Variants in CEP44 observed in about 807,000 individuals in gnomAD.
CEP44 encodes the protein centrosomal protein of 44 kDa.
A neutral mutation model predicts 46.7 loss-of-function variants in CEP44; 45 were observed. The observed-to-expected ratio is 0.96, with a 90% CI of 0.76 to 1.24. CEP44 has a LOEUF of 1.24. CEP44 is among the 50% of genes most tolerant of loss of function. The probability of loss-of-function intolerance (pLI) is 0.00; values close to 1 mark genes in which losing one functional copy is unlikely to be tolerated. For missense variants in CEP44, 475 were observed against 459.7 expected (o/e 1.03, Z -0.30); for synonymous variants, 142 against 146.0 (o/e 0.97, Z 0.20).
Position 174,319,539 on chromosome 4 carries a change from T to G in CEP44, c.*2156T>G. On this transcript the variant is annotated 3_prime_UTR_variant, in exon 12 of 12. Transcript: ENST00000503780. ...CTCTTTCTACCCTTTCTTTTTTTCT[T>G]TATATAGTGCAGATATACACACAGA... is the stretch of plus-strand genomic sequence containing the variant. The G allele has an allele frequency of 2.4e-6, 2 of 850,110 alleles. No individual in the cohort carries two copies. The highest frequency in any genetic ancestry group is 2.8e-6 in the Non-Finnish European group (2 of 706,764). 52.7% of individuals were successfully genotyped at this position (850,110 alleles called of 1,614,324 possible). A position where few individuals can be genotyped will look rare whatever the true frequency, so the allele number is the denominator to read the frequency against.
In CEP44 at chr4:174,286,705, C is replaced by G. The variant is rs1293802050; in HGVS notation, c.-148+2762C>G. On this transcript the variant is annotated intron_variant, in intron 1 of 11. Coordinates refer to ENST00000503780, the MANE Select transcript of CEP44 (RefSeq NM_001040157.3). The surrounding 1 kb of genome is among the most constrained non-coding windows in gnomAD (Gnocchi z 5.2). Reference sequence around the variant, plus strand: ...TCTCCTTTGATAATCTAATGAAAGTCCCACTCCATGCAAGAAAATTAGTCA... The same window carrying G: ...TCTCCTTTGATAATCTAATGAAAGTGCCACTCCATGCAAGAAAATTAGTCA... 2.0e-5 allele frequency among the ~76,000 whole-genome samples: 3 copies of G among 152,176 alleles called. No individual in the cohort carries two copies. Among genetic ancestry groups the G allele is most frequent in the African/African-American group, 7.2e-5 (3 of 41,448 alleles).
chr4:174,289,934 G>A (rs1022705302), intron 1 of CEP44, among the ~76,000 whole-genome samples: 4 of 151,696 alleles, frequency 2.6e-5, no homozygotes, highest in African/African-American at 9.7e-5. Flanking sequence ...CGCCTCCCGG[G>A]TTCAAGTGAT....
At position 174,303,699 on chromosome 4, in the gene CEP44, G is replaced by A; in HGVS notation, c.238-4G>A. 2.6e-6 allele frequency: 4 copies of A among 1,515,406 alleles called. No homozygotes were observed. Among genetic ancestry groups the A allele is most frequent in the Non-Finnish European group, 3.6e-6 (4 of 1,109,816 alleles). The allele number at this position is 1,515,406 out of a possible 1,614,324, so 93.9% of individuals were successfully genotyped here. A position where few individuals can be genotyped will look rare whatever the true frequency, so the allele number is the denominator to read the frequency against. On this transcript the variant is annotated splice_region_variant and splice_polypyrimidine_tract_variant and intron_variant, in intron 4 of 11. Transcript: ENST00000503780. Reference sequence around the variant, plus strand: ...ATTATTACAAGAGTCTGTTTCCTCTGCAGCTTCTTCGTGATCAATTTAATT... The same window carrying A: ...ATTATTACAAGAGTCTGTTTCCTCTACAGCTTCTTCGTGATCAATTTAATT...
chr4:174,290,926 C>T lies in CEP44; in HGVS notation c.-148+6983C>T, dbSNP rs1015120113. On this transcript the variant is annotated intron_variant, in intron 1 of 11. Coordinates refer to ENST00000503780, the MANE Select transcript of CEP44 (RefSeq NM_001040157.3). This position sits in a 1 kb window ranked among gnomAD's most constrained non-coding sequence, Gnocchi z 4.3. ...CTTCTTTGTCTCTTTTGACAGTTGT[C>T]GACTTAAAGTCTATTTTGTCTGATA... is the stretch of plus-strand genomic sequence containing the variant. 3.3e-5 allele frequency among the ~76,000 whole-genome samples: 5 copies of T among 152,186 alleles called. No individual in the cohort carries two copies. Among genetic ancestry groups the T allele is most frequent in the African/African-American group, 7.2e-5 (3 of 41,534 alleles).
At chr4:174,285,899 CCCCAGTCAGTCTAAAGGATATTAAA>C (rs1230810993) in intron 1 of CEP44, among the ~76,000 whole-genome samples, 3 of 152,140 alleles carry the variant, frequency 2.0e-5, no homozygotes, top group Non-Finnish European at 4.4e-5. Flanking sequence ...GTCCATCTAC[CCCCAGTCAGTCTAAAGGATATTAAA>C]TAGGGTTTAC....
At chr4:174,315,815 TG>T (rs1274250601) in intron 9 of CEP44, among the ~76,000 whole-genome samples, 2 of 134,276 alleles carry the variant, frequency 1.5e-5, no homozygotes, top group East Asian at 4.2e-4. Context: ...CACTCCTGCC[TG>T]GGCGACAGAG....
At chr4:174,292,351 T>G (rs949820127) in intron 1 of CEP44, among the ~76,000 whole-genome samples, 1 of 152,184 alleles carries the variant, frequency 6.6e-6, no homozygotes, top group Non-Finnish European at 1.5e-5. Flanking sequence ...CCTCTTTGGC[T>G]TCAACCTATT....
At position 174,311,128 on chromosome 4, in the gene CEP44, A is replaced by G. The variant is rs764510034; in HGVS notation, c.961+270A>G. Among the ~76,000 whole-genome samples the G allele has an allele frequency of 7.9e-5, 12 of 152,150 alleles. No homozygotes were observed. Among genetic ancestry groups the G allele is most frequent in the Admixed American group, 3.3e-4 (5 of 15,278 alleles). ...TGTTTTAATCATTCGAGAATAATCA[A>G]GTGCTCTAGGATATTAATGTTGGCC... On this transcript the variant is annotated intron_variant, in intron 9 of 11. Coordinates refer to ENST00000503780, the MANE Select transcript of CEP44 (RefSeq NM_001040157.3). The surrounding 1 kb of genome is among the most constrained non-coding windows in gnomAD (Gnocchi z 4.4).
chr4:174,327,431 T>C (rs1442316733), intron 8 of CEP44, among the ~76,000 whole-genome samples: 3 of 151,742 alleles, frequency 2.0e-5, no homozygotes, highest in African/African-American at 2.4e-5. Flanking sequence ...CAGTTTTTTT[T>C]CCCCCAGAGT....
Position 174,286,988 on chromosome 4 carries a change from T to G in CEP44, c.-148+3045T>G, listed in dbSNP as rs145140736. Among the ~76,000 whole-genome samples the G allele has an allele frequency of 3.2e-3, 492 of 152,320 alleles. 3 individuals are homozygous for G. Among genetic ancestry groups the G allele is most frequent in the African/African-American group, 0.011 (464 of 41,570 alleles). On this transcript the variant is annotated intron_variant, in intron 1 of 11. Transcript: ENST00000503780. The surrounding 1 kb of genome is among the most constrained non-coding windows in gnomAD (Gnocchi z 5.2). Reference sequence around the variant, plus strand: ...TAGATATTTTGAATTTCTTGCCTTTTTTTCTGTGTTCACCTTTTCTTCTTG... The same window carrying G: ...TAGATATTTTGAATTTCTTGCCTTTGTTTCTGTGTTCACCTTTTCTTCTTG...
chr4:174,303,076 A>G (rs1051161353), intron 4 of CEP44, among the ~76,000 whole-genome samples: 11 of 152,100 alleles, frequency 7.2e-5, no homozygotes, highest in African/African-American at 1.7e-4. Flanking sequence ...CACCGCACCC[A>G]GCCTCAAATA....
chr4:174,322,827 T>G (rs760183826), downstream of CEP44, among the ~76,000 whole-genome samples: 35 of 152,304 alleles, frequency 2.3e-4, no homozygotes, highest in South Asian at 8.3e-4. Context: ...TTATACTACA[T>G]TTCTGTATTT....
At chr4:174,308,921 T>C in intron 7 of CEP44, 62 bp downstream of exon 7, 2 of 1,392,650 alleles carry the variant, frequency 1.4e-6, no homozygotes, top group South Asian at 2.4e-5. Flanking sequence ...GTGTAATTAT[T>C]TCAGCCTCTA....
At position 174,291,792 on chromosome 4, in the gene CEP44, T is replaced by C. The variant is rs544556029; in HGVS notation, c.-147-6174T>C. Among the ~76,000 whole-genome samples the C allele has an allele frequency of 3.0e-3, 360 of 118,424 alleles. 1 individual carries two copies. The highest frequency in any genetic ancestry group is 7.9e-3 in the Middle Eastern group (2 of 252). The allele number at this position is 118,424 out of a possible 152,430, so 77.7% of individuals were successfully genotyped here. A position where few individuals can be genotyped will look rare whatever the true frequency, so the allele number is the denominator to read the frequency against. On this transcript the variant is annotated intron_variant, in intron 1 of 11. Transcript: ENST00000503780. ...TTCTTTTATCTTTTTCTTTTCTTTTTTTTTTTTTTTTTTTTTTTTTCCAGG... is the reference window on the plus strand; with the variant it reads ...TTCTTTTATCTTTTTCTTTTCTTTTCTTTTTTTTTTTTTTTTTTTTCCAGG...
At chr4:174,324,475 C>G (rs1217519551), downstream of CEP44, among the ~76,000 whole-genome samples, 3 of 152,132 alleles carry the variant, frequency 2.0e-5, no homozygotes, top group Non-Finnish European at 4.4e-5. Context: ...AAACTCTTTT[C>G]CAAACTGGCT....
rs750710897 is a variant in CEP44, at chr4:174,329,069, C to T, written c.1087-2413C>T. ...TCAAGCAATCCTCCCACAGCAGCCA[C>T]GTGAGTAGCCAGAACTACAGATGTG... On this transcript the variant is annotated intron_variant, in intron 8 of 8. Transcript: ENST00000426172. The surrounding 1 kb of genome is among the most constrained non-coding windows in gnomAD (Gnocchi z 4.0). 5.3e-5 allele frequency among the ~76,000 whole-genome samples: 8 copies of T among 152,104 alleles called. No individual in the cohort carries two copies. Among genetic ancestry groups the T allele is most frequent in the Admixed American group, 2.0e-4 (3 of 15,270 alleles).
downstream of CEP44, among the ~76,000 whole-genome samples, chr4:174,320,633 A>G (rs556425407): frequency 1.7e-4 from 18 of 108,530 alleles, no homozygotes; most frequent in East Asian, 5.2e-3. Flanking sequence ...AAAGGCTTGA[A>G]AGGAAGAGCA....
intron 6 of CEP44, among the ~76,000 whole-genome samples, chr4:174,305,687 T>C (rs1158905995): frequency 6.6e-6 from 1 of 152,200 alleles, no homozygotes; most frequent in Non-Finnish European, 1.5e-5. Flanking sequence ...GTTAAATGAC[T>C]TATATCTTGT....
chr4:174,326,131 C>G lies in CEP44; in HGVS notation c.1087-5351C>G, dbSNP rs1560926081. ...TGTTTTTATCATTTGTTCTTAGCTG[C>G]TTTTTTGCCTCTTTTCCTGAATTAT... On this transcript the variant is annotated intron_variant, in intron 8 of 8. Transcript: ENST00000426172. This position sits in a 1 kb window ranked among gnomAD's most constrained non-coding sequence, Gnocchi z 4.8. 1.3e-5 allele frequency among the ~76,000 whole-genome samples: 2 copies of G among 151,752 alleles called. No individual in the cohort carries two copies.
Sources: allele counts gnomAD v4.1 joint callset (sites outside exome capture counted in the v4.1 genomes callset), GRCh38; gene constraint gnomAD v4.1.1; non-coding constraint Gnocchi (gnomAD v3.1); transcripts MANE v1.5; gene names NCBI Gene and HGNC (gene_info 2026-07-23, HGNC 2026-07-21).